CREBRF: variants seen among roughly 807,000 people sequenced by gnomAD.
CREBRF encodes UPF0474 protein C5orf41.
Under a neutral mutation model 66.1 loss-of-function variants are expected in CREBRF, and 5 were observed. That is an observed-to-expected ratio of 0.08 (90% confidence interval 0.04 to 0.16). CREBRF has a LOEUF of 0.16. CREBRF is among the 10% of genes least tolerant of loss of function. The pLI is 1.00. For synonymous variants in CREBRF, 229 were observed against 264.4 expected, an observed-to-expected ratio of 0.87 and a Z score of 1.30; for missense variants, 531 against 744.9, an observed-to-expected ratio of 0.71 and a Z score of 3.34.
intron 7 of CREBRF, among the ~76,000 whole-genome samples, chr5:173,113,011 G>C (rs1055185164): frequency 6.6e-6 from 1 of 152,226 alleles, no homozygotes; most frequent in Non-Finnish European, 1.5e-5. Flanking sequence ...TTGTGTGTGT[G>C]AGACAGGATC....
intron 2 of CREBRF, 84 bp downstream of exon 2, chr5:173,080,868 A>T: frequency 7.6e-7 from 1 of 1,316,436 alleles, no homozygotes; most frequent in East Asian, 2.3e-5. Flanking sequence ...GAATCTTAAC[A>T]CAACTTTGCA....
At chr5:173,120,290 G>T (rs1759108340) in intron 7 of CREBRF, among the ~76,000 whole-genome samples, 1 of 151,590 alleles carries the variant, frequency 6.6e-6, no homozygotes, top group African/African-American at 2.4e-5. Context: ...TCTTTTTTTG[G>T]GGAAGATACT....
chr5:173,059,707 C>T (rs1246423421), intron 1 of CREBRF, among the ~76,000 whole-genome samples: 1 of 152,176 alleles, frequency 6.6e-6, no homozygotes, highest in Admixed American at 6.5e-5. Context: ...AGGCAGTTTT[C>T]ACTGTTGCAT....
intron 8 of CREBRF, among the ~76,000 whole-genome samples, chr5:173,126,185 G>C (rs1300632406): frequency 1.3e-5 from 2 of 152,202 alleles, no homozygotes; most frequent in East Asian, 3.9e-4. Flanking sequence ...CTGTCGCCCA[G>C]GCTGGAGTGC....
intron 8 of CREBRF, among the ~76,000 whole-genome samples, chr5:173,128,241 G>A (rs909393246): frequency 2.6e-5 from 4 of 152,036 alleles, no homozygotes; most frequent in African/African-American, 7.2e-5. Flanking sequence ...AATTCTTTGA[G>A]AGAGATTTAA....
chr5:173,058,376 A>G (rs879640879), intron 1 of CREBRF, among the ~76,000 whole-genome samples: 1 of 152,218 alleles, frequency 6.6e-6, no homozygotes, highest in Admixed American at 6.5e-5. Flanking sequence ...AACATGCCTT[A>G]GATAGATCAT....
In CREBRF at chr5:173,108,605, T is replaced by G. The variant is rs1758801943; in HGVS notation, c.1223-19T>G. ...ATTGAAATTTATGGAGCTTAAAAAT[T>G]GCGGGACCTTTTTTTAAGGCTATGA... On this transcript the variant is annotated intron_variant, in intron 4 of 8. Coordinates refer to ENST00000296953, the MANE Select transcript of CREBRF (RefSeq NM_153607.3). 2 of 1,594,056 alleles carry G rather than the reference T, an allele frequency of 1.3e-6. No individual in the cohort carries two copies. The highest frequency in any genetic ancestry group is 1.7e-6 in the Non-Finnish European group (2 of 1,174,232).
At chr5:173,079,499 T>C (rs951944635) in intron 1 of CREBRF, among the ~76,000 whole-genome samples, 1 of 150,492 alleles carries the variant, frequency 6.6e-6, no homozygotes, top group Non-Finnish European at 1.5e-5. Context: ...ATTAATACAA[T>C]GTACCACTGT....
chr5:173,117,640 T>G (rs1349669071), intron 7 of CREBRF, among the ~76,000 whole-genome samples: 1 of 66,460 alleles, frequency 1.5e-5, no homozygotes, highest in African/African-American at 4.6e-5. Flanking sequence ...CCTCCCTCCT[T>G]CTCTCCTCTC....
At chr5:173,076,449 TA>T (rs1430838986) in intron 1 of CREBRF, among the ~76,000 whole-genome samples, 2 of 152,156 alleles carry the variant, frequency 1.3e-5, no homozygotes, top group Admixed American at 6.6e-5. Flanking sequence ...AGAAATGATT[TA>T]TTTAAATTAG....
At chr5:173,057,339 G>A (rs1215477120) in intron 1 of CREBRF, 1 of 152,764 alleles carries the variant, frequency 6.5e-6, no homozygotes, top group East Asian at 1.9e-4. Flanking sequence ...TCACTGAGAG[G>A]GGAGGAGACA....
At chr5:173,124,559 C>CAAAAAAAAAAAAA (rs540860912) in intron 8 of CREBRF, 2 of 76,196 alleles carry the variant, frequency 2.6e-5, no homozygotes, top group Non-Finnish European at 5.1e-5. Context: ...AACTCTGTCT[C>CAAAAAAAAAAAAA]AAAAAAAAAA....
In CREBRF at chr5:173,090,755, G is replaced by C; in HGVS notation, c.576G>C (p.Gln192His). 1.2e-6 allele frequency: 2 copies of C among 1,614,158 alleles called. No homozygotes were observed. The highest frequency in any genetic ancestry group is 1.7e-6 in the Non-Finnish European group (2 of 1,180,042). ...CTGTGTGTTCTTCTAAGACTCTGCAGGCTGAGGTCCCTTTGTCAGACTGTG... is the reference window on the plus strand; with the variant it reads ...CTGTGTGTTCTTCTAAGACTCTGCACGCTGAGGTCCCTTTGTCAGACTGTG... ...AAPVCSSKTL[Q>H]AEVPLSDCVQ... Residue 192 changes from glutamine to histidine, a missense_variant, in exon 4 of 9, where the codon CAG becomes CAC. By Grantham distance (24) the Gln-to-His change is conservative. Coordinates refer to ENST00000296953, the MANE Select transcript of CREBRF (RefSeq NM_153607.3). The surrounding 1 kb of genome is among the most constrained non-coding windows in gnomAD (Gnocchi z 4.5).
At chr5:173,113,555 GC>G (rs1561813118) in intron 7 of CREBRF, among the ~76,000 whole-genome samples, 1 of 151,494 alleles carries the variant, frequency 6.6e-6, no homozygotes, top group Non-Finnish European at 1.5e-5. Flanking sequence ...TGATCCACCT[GC>G]CTAGGCCTCC....
intron 1 of CREBRF, among the ~76,000 whole-genome samples, chr5:173,071,280 C>A (rs1399016096): frequency 6.6e-6 from 1 of 152,110 alleles, no homozygotes; most frequent in Non-Finnish European, 1.5e-5. Context: ...GCCATGATCT[C>A]GCATCACTGC....
At chr5:173,075,993 G>C (rs975144219) in intron 1 of CREBRF, among the ~76,000 whole-genome samples, 2 of 148,200 alleles carry the variant, frequency 1.3e-5, no homozygotes, top group Non-Finnish European at 3.0e-5. Context: ...GGCCGAGGCA[G>C]GAGGATCGCT....
At chr5:173,064,558 A>ACTTTT (rs1757376108) in intron 1 of CREBRF, among the ~76,000 whole-genome samples, 1 of 135,242 alleles carries the variant, frequency 7.4e-6, no homozygotes. Flanking sequence ...ACACCTGGTT[A>ACTTTT]ATTTTTTTTT....
rs1419954939 is a variant in CREBRF, at chr5:173,090,869, A to G, written c.690A>G (p.Glu230=). ...YHNEKVNFHV[E]CKDYVKKAKV... ...ATGAAAAGGTGAACTTTCATGTTGAATGTAAAGACTATGTAAAAAAGGCAA... is the reference window on the plus strand; with the variant it reads ...ATGAAAAGGTGAACTTTCATGTTGAGTGTAAAGACTATGTAAAAAAGGCAA... Residue 230 remains glutamate, a synonymous_variant, in exon 4 of 9, where the codon GAA becomes GAG. Coordinates refer to ENST00000296953, the MANE Select transcript of CREBRF (RefSeq NM_153607.3). This position sits in a 1 kb window ranked among gnomAD's most constrained non-coding sequence, Gnocchi z 4.5. 6.2e-7 allele frequency: 1 copy of G among 1,614,208 alleles called. No individual in the cohort carries two copies. The highest frequency in any genetic ancestry group is 8.5e-7 in the Non-Finnish European group (1 of 1,180,028).
Position 173,138,647 on chromosome 5 carries a change from GTTAA to G in CREBRF, c.*4907_*4910del, listed in dbSNP as rs1759642659. The G allele has an allele frequency of 6.6e-6, 1 of 152,186 alleles. No individual in the cohort carries two copies. The highest frequency in any genetic ancestry group is 2.4e-5 in the African/African-American group (1 of 41,436). 9.4% of individuals were successfully genotyped at this position (152,186 alleles called of 1,614,324 possible). ...ATAACAATGTAAACACAATGGTGTAGTTAATTAAATTCTGGGTGGATAGGAGCAG... is the reference window on the plus strand; with the variant it reads ...ATAACAATGTAAACACAATGGTGTAGTTAAATTCTGGGTGGATAGGAGCAG... On this transcript the variant is annotated 3_prime_UTR_variant, in exon 9 of 9. Coordinates refer to ENST00000296953, the MANE Select transcript of CREBRF (RefSeq NM_153607.3).
Sources: allele counts gnomAD v4.1 joint callset (sites outside exome capture counted in the v4.1 genomes callset), GRCh38; gene constraint gnomAD v4.1.1; non-coding constraint Gnocchi (gnomAD v3.1); transcripts MANE v1.5; gene names NCBI Gene and HGNC (gene_info 2026-07-23, HGNC 2026-07-21).